The following PDE12 variants were observed in gnomAD, a reference collection of about 807,000 sequenced individuals.
The protein encoded by PDE12 is 2',5'-phosphodiesterase 12.
PDE12 carries 26 observed loss-of-function variants against 45.4 expected under a neutral mutation model. The ratio of observed to expected loss-of-function variants is 0.57; its 90% CI spans 0.42 to 0.79. The LOEUF (loss-of-function observed/expected upper bound fraction) is 0.79, where lower values mean the gene tolerates loss of function less well. PDE12 is among the 30% of genes least tolerant of loss of function. The pLI is 0.00. For missense variants in PDE12, 668 were observed against 790.0 expected (o/e 0.85, Z 1.85); for synonymous variants, 283 against 323.9 (o/e 0.87, Z 1.36).
the PDE12 span, among the ~76,000 whole-genome samples, chr3:57,624,037 G>A: frequency 3.3e-5 from 5 of 152,118 alleles, no homozygotes; most frequent in African/African-American, 1.2e-4. Context: ...TGCTCAGGCT[G>A]AGTGAAGTGG....
Position 57,562,422 on chromosome 3 carries a change from A to C in PDE12, c.*2418A>C, listed in dbSNP as rs1388299105. ...ATCTCCAGTATACGGATACGTTAAA[A>C]TGATTGGAGTCCAAAGGTAGGGAAC... is the stretch of plus-strand genomic sequence containing the variant. On this transcript the variant is annotated 3_prime_UTR_variant, in exon 3 of 3. Transcript: ENST00000311180. 6.6e-6 allele frequency: 1 copy of C among 152,256 alleles called. No homozygotes were observed. The highest frequency in any genetic ancestry group is 1.5e-5 in the Non-Finnish European group (1 of 68,054). 9.4% of individuals were successfully genotyped at this position (152,256 alleles called of 1,614,324 possible).
At chr3:57,639,453 G>A in the PDE12 span, among the ~76,000 whole-genome samples, 1 of 152,164 alleles carries the variant, frequency 6.6e-6, no homozygotes, top group East Asian at 1.9e-4. Flanking sequence ...CCACTGGAAA[G>A]AGAAAACAAT....
the PDE12 span, among the ~76,000 whole-genome samples, chr3:57,608,221 A>G: frequency 6.6e-6 from 1 of 152,186 alleles, no homozygotes; most frequent in South Asian, 2.1e-4. Context: ...CTGCCCTACA[A>G]GAGCTCCTGA....
chr3:57,639,494 T>C, the PDE12 span, among the ~76,000 whole-genome samples: 1 of 152,202 alleles, frequency 6.6e-6, no homozygotes, highest in African/African-American at 2.4e-5. Context: ...ATTAATAGTC[T>C]AAATTAGTAG....
the PDE12 span, among the ~76,000 whole-genome samples, chr3:57,607,593 G>C: frequency 6.6e-6 from 1 of 152,154 alleles, no homozygotes; most frequent in Non-Finnish European, 1.5e-5. Flanking sequence ...TGTGACGAAT[G>C]CACAAGCTTC....
rs774594412 is a variant in PDE12 at position 57,556,791 on chromosome 3, A to T, written c.412A>T (p.Asn138Tyr). The T allele has an allele frequency of 6.2e-7, 1 of 1,612,216 alleles. No individual in the cohort carries two copies. The highest frequency in any genetic ancestry group is 1.1e-5 in the South Asian group (1 of 91,032). The change falls in exon 1 of 3, where the codon AAC becomes TAC. Residue 138 changes from asparagine to tyrosine, a missense_variant. This residue lies in a region of PDE12 where 580 missense variants were observed against 662.9 expected (regional missense o/e 0.87). Transcript: ENST00000311180. The surrounding 1 kb of genome is among the most constrained non-coding windows in gnomAD (Gnocchi z 5.0). ...AGAGGCAGTGGCTGAGGACGTGCTC[A>T]ACGTGGATGCCTGGCAAGACGGCGC... ...REEAVAEDVL[N>Y]VDAWQDGAVL...
At chr3:57,584,102 C>T in the PDE12 span, 274 of 866,524 alleles carry the variant, frequency 3.2e-4, 1 homozygote, top group South Asian at 4.9e-5. Context: ...TTTTAAAGTA[C>T]TTCTTTTTAT....
chr3:57,599,388 C>T, the PDE12 span, among the ~76,000 whole-genome samples: 3 of 152,080 alleles, frequency 2.0e-5, no homozygotes, highest in Middle Eastern at 3.2e-3. Context: ...GGTGGAGGCC[C>T]CAAGATTTAT....
At chr3:57,621,809 A>C in the PDE12 span, among the ~76,000 whole-genome samples, 2 of 152,110 alleles carry the variant, frequency 1.3e-5, no homozygotes, top group Non-Finnish European at 2.9e-5. Flanking sequence ...AATGAAAAAA[A>C]AAAAGTCATA....
At chr3:57,589,704 C>T in the PDE12 span, among the ~76,000 whole-genome samples, 1 of 151,184 alleles carries the variant, frequency 6.6e-6, no homozygotes, top group Non-Finnish European at 1.5e-5. Context: ...GGCAACAAAG[C>T]GAGACTCCGT....
the PDE12 span, among the ~76,000 whole-genome samples, chr3:57,654,271 G>T: frequency 2.0e-5 from 3 of 152,112 alleles, no homozygotes; most frequent in South Asian, 2.1e-4. Flanking sequence ...TCACTTCTAA[G>T]AATTAAACAG....
In PDE12 at chr3:57,562,275, T is replaced by C; in HGVS notation, c.*2271T>C. ...GAAAAACTCAGCACTTAACAGACAT[T>C]CCATGTCCTATATCCTTAATTTTGA... On this transcript the variant is annotated 3_prime_UTR_variant, in exon 3 of 3. Coordinates refer to ENST00000311180, the MANE Select transcript of PDE12 (RefSeq NM_177966.7). 1 of 190,770 alleles carries C rather than the reference T, an allele frequency of 5.2e-6. No homozygotes were observed. The highest frequency in any genetic ancestry group is 1.9e-4 in the East Asian group (1 of 5,330). 11.8% of individuals were successfully genotyped at this position (190,770 alleles called of 1,614,324 possible). A position where few individuals can be genotyped will look rare whatever the true frequency, so the allele number is the denominator to read the frequency against.
chr3:57,597,203 C>T, the PDE12 span: 34 of 1,493,760 alleles, frequency 2.3e-5, no homozygotes, highest in East Asian at 7.3e-4. Flanking sequence ...CGTGCTTTCT[C>T]CTTTCAAGCT....
At chr3:57,586,242 AT>A in the PDE12 span, among the ~76,000 whole-genome samples, 3 of 152,126 alleles carry the variant, frequency 2.0e-5, no homozygotes, top group African/African-American at 7.2e-5. Flanking sequence ...CTTATCACAG[AT>A]TTTTGTATCG....
the PDE12 span, chr3:57,646,371 C>T: frequency 6.2e-7 from 1 of 1,614,056 alleles, no homozygotes; most frequent in Non-Finnish European, 8.5e-7. Flanking sequence ...GCCATAACCA[C>T]AAGGGGCTCC....
At chr3:57,577,740 G>T in the PDE12 span, among the ~76,000 whole-genome samples, 5 of 152,018 alleles carry the variant, frequency 3.3e-5, no homozygotes, top group Admixed American at 6.6e-5. Flanking sequence ...ACAAATCAAG[G>T]ATCCTAAAGA....
At chr3:57,616,635 CAG>C in the PDE12 span, among the ~76,000 whole-genome samples, 6 of 152,144 alleles carry the variant, frequency 3.9e-5, no homozygotes, top group African/African-American at 1.4e-4. Context: ...TAAATTCTAC[CAG>C]ACTTTTAAGG....
At chr3:57,653,046 G>C in the PDE12 span, among the ~76,000 whole-genome samples, 1 of 152,276 alleles carries the variant, frequency 6.6e-6, no homozygotes, top group East Asian at 1.9e-4. Context: ...TTGTATACTT[G>C]TTTGTAGGAA....
At chr3:57,641,332 A>T in the PDE12 span, among the ~76,000 whole-genome samples, 1 of 143,632 alleles carries the variant, frequency 7.0e-6, no homozygotes, top group East Asian at 1.9e-4. Context: ...ATATTATATT[A>T]AAATATATAT....
Sources: gnomAD v4.1 joint callset for allele counts (sites outside exome capture counted in the v4.1 genomes callset) on GRCh38, gnomAD v4.1.1 for gene constraint, gnomAD v4.1.1 regional missense constraint, Gnocchi (gnomAD v3.1) non-coding constraint, MANE v1.5 for transcripts, NCBI Gene and HGNC (gene_info 2026-07-23, HGNC 2026-07-21) for gene names.